ASIC2: variants seen among roughly 807,000 people sequenced by gnomAD.
ASIC2 encodes acid-sensing ion channel 2.
ASIC2 carries 25 observed loss-of-function variants against 57.3 expected under a neutral mutation model. The observed-to-expected ratio is 0.44, with a 90% CI of 0.32 to 0.61. The LOEUF (loss-of-function observed/expected upper bound fraction) is 0.61, where lower values mean the gene tolerates loss of function less well. Ranked by LOEUF, ASIC2 falls within the 20% of genes least tolerant of loss-of-function variation. The probability of loss-of-function intolerance (pLI) is 0.06; values close to 1 mark genes in which losing one functional copy is unlikely to be tolerated. For missense variants in ASIC2, 641 were observed against 738.1 expected (o/e 0.87, Z 1.52); for synonymous variants, 319 against 307.5 (o/e 1.04, Z -0.39).
chr17:33,523,375 G>A (rs757277585), intron 1 of ASIC2, among the ~76,000 whole-genome samples: 1 of 152,128 alleles, frequency 6.6e-6, no homozygotes, highest in East Asian at 1.9e-4. Context: ...TCGTGCCTCA[G>A]CCTCCCGAGT....
chr17:33,466,494 A>G (rs537784421), intron 1 of ASIC2, among the ~76,000 whole-genome samples: 3 of 152,270 alleles, frequency 2.0e-5, no homozygotes, highest in South Asian at 2.1e-4. Context: ...AAAAAAACCT[A>G]CTTTCAAGTT....
chr17:34,146,692 A>AC (rs2142140426), intron 1 of ASIC2: 1 of 152,348 alleles, frequency 6.6e-6, no homozygotes, highest in South Asian at 2.1e-4. Flanking sequence ...AAGAGGCAGC[A>AC]CCTGTCAACC....
chr17:33,146,407 AGT>A (rs1267927761), intron 1 of ASIC2, among the ~76,000 whole-genome samples: 2 of 152,170 alleles, frequency 1.3e-5, no homozygotes, highest in Non-Finnish European at 2.9e-5. Context: ...AAGGTGGCAG[AGT>A]GGGGTTTGAA....
At chr17:33,531,396 A>G (rs1221281602) in intron 1 of ASIC2, among the ~76,000 whole-genome samples, 1 of 152,194 alleles carries the variant, frequency 6.6e-6, no homozygotes, top group Non-Finnish European at 1.5e-5. Context: ...CCCAGGCAGT[A>G]AAAGTGCTGG....
At chr17:33,902,564 G>A (rs1476461664) in intron 1 of ASIC2, among the ~76,000 whole-genome samples, 1 of 152,314 alleles carries the variant, frequency 6.6e-6, no homozygotes, top group East Asian at 1.9e-4. Context: ...CAGCCAGCCG[G>A]TATGGCTGGG....
At chr17:34,099,772 AAGAAAGAAAGAAAGAAAGAAAG>A (rs1567821765) in intron 1 of ASIC2, among the ~76,000 whole-genome samples, 1 of 88,526 alleles carries the variant, frequency 1.1e-5, no homozygotes, top group African/African-American at 6.8e-5. Context: ...GAAAGAAAGA[AAGAAAGAAAGAAAGAAAGAAAG>A]AAAGAAAGAA....
At chr17:34,032,100 G>A (rs145890935) in intron 1 of ASIC2, among the ~76,000 whole-genome samples, 66 of 152,224 alleles carry the variant, frequency 4.3e-4, no homozygotes, top group African/African-American at 1.5e-3. Flanking sequence ...AAATGATCAG[G>A]GTAGCCAGAG....
At chr17:33,880,099 T>C (rs1324300975) in intron 1 of ASIC2, among the ~76,000 whole-genome samples, 1 of 152,126 alleles carries the variant, frequency 6.6e-6, no homozygotes, top group Non-Finnish European at 1.5e-5. Context: ...GGGACACATT[T>C]AAAGCAGTGT....
intron 1 of ASIC2, among the ~76,000 whole-genome samples, chr17:33,670,841 CA>C (rs1253816962): frequency 6.6e-6 from 1 of 152,204 alleles, no homozygotes; most frequent in Non-Finnish European, 1.5e-5. Context: ...TTTATTTTCA[CA>C]TTGGTATATG....
At chr17:33,196,663 G>A (rs545484153) in intron 1 of ASIC2, among the ~76,000 whole-genome samples, 1 of 152,360 alleles carries the variant, frequency 6.6e-6, no homozygotes, top group African/African-American at 2.4e-5. Context: ...GGTGGTGGCA[G>A]TGCCTCATGT....
At chr17:33,393,695 A>G (rs1391393421) in intron 1 of ASIC2, among the ~76,000 whole-genome samples, 1 of 152,174 alleles carries the variant, frequency 6.6e-6, no homozygotes, top group Non-Finnish European at 1.5e-5. Flanking sequence ...CCAGTTGGTG[A>G]TCTAAGTTAT....
chr17:33,317,564 T>A (rs191601689), intron 1 of ASIC2, among the ~76,000 whole-genome samples: 1 of 152,312 alleles, frequency 6.6e-6, no homozygotes, highest in African/African-American at 2.4e-5. Context: ...TCCACCCAAA[T>A]GACTTTCAGC....
chr17:33,995,925 C>G (rs932392100), intron 1 of ASIC2, among the ~76,000 whole-genome samples: 1 of 152,170 alleles, frequency 6.6e-6, no homozygotes, highest in Non-Finnish European at 1.5e-5. Flanking sequence ...AACTACCATA[C>G]TGTTTTCCAC....
intron 1 of ASIC2, chr17:34,038,601 C>A: frequency 6.2e-7 from 1 of 1,602,512 alleles, no homozygotes; most frequent in Non-Finnish European, 8.5e-7. Context: ...GAATTATCTT[C>A]ATTATGTATC....
intron 1 of ASIC2, among the ~76,000 whole-genome samples, chr17:33,931,752 T>A (rs967176111): frequency 6.6e-6 from 1 of 152,202 alleles, no homozygotes; most frequent in Non-Finnish European, 1.5e-5. Flanking sequence ...CTTTGCTGAA[T>A]CCCTCTTTAT....
At chr17:33,033,007 T>C (rs947590341) in intron 3 of ASIC2, among the ~76,000 whole-genome samples, 1 of 152,202 alleles carries the variant, frequency 6.6e-6, no homozygotes, top group South Asian at 2.1e-4. Context: ...TGGTGGCTCA[T>C]GCCTGTAATC....
At chr17:33,578,978 G>A (rs1054051038) in intron 1 of ASIC2, among the ~76,000 whole-genome samples, 12 of 152,122 alleles carry the variant, frequency 7.9e-5, no homozygotes, top group Admixed American at 2.6e-4. Flanking sequence ...GAGCACCTTG[G>A]AAGCGGTTAT....
chr17:34,025,066 A>C (rs553481947), intron 1 of ASIC2, among the ~76,000 whole-genome samples: 3 of 152,300 alleles, frequency 2.0e-5, no homozygotes, highest in African/African-American at 7.2e-5. Flanking sequence ...CCCTGTGATC[A>C]CATAAAGGAA....
chr17:33,526,888 G>A (rs1914900767), intron 1 of ASIC2, among the ~76,000 whole-genome samples: 1 of 152,218 alleles, frequency 6.6e-6, no homozygotes, highest in South Asian at 2.1e-4. Flanking sequence ...ATGGTCGAAT[G>A]CATCTGTTCC....
Sources: allele counts gnomAD v4.1 joint callset (sites outside exome capture counted in the v4.1 genomes callset), GRCh38; gene constraint gnomAD v4.1.1; transcripts MANE v1.5; gene names NCBI Gene and HGNC (gene_info 2026-07-23, HGNC 2026-07-21).